ZNF207: variants seen among roughly 807,000 people sequenced by gnomAD.
ZNF207 encodes zinc finger protein 207, also known as BUB3-interacting and GLEBS motif-containing protein ZNF207.
Under a neutral mutation model 60.2 loss-of-function variants are expected in ZNF207, and 24 were observed. The ratio of observed to expected loss-of-function variants is 0.40; its 90% CI spans 0.29 to 0.56. ZNF207 has a LOEUF of 0.56. Ranked by LOEUF, ZNF207 falls within the 20% of genes least tolerant of loss-of-function variation. The pLI, the probability that ZNF207 is intolerant of heterozygous loss-of-function variation, is 0.49. For synonymous variants in ZNF207, 236 were observed against 194.7 expected, an observed-to-expected ratio of 1.21 and a Z score of -1.77; for missense variants, 452 against 636.6, an observed-to-expected ratio of 0.71 and a Z score of 3.12.
chr17:32,352,241 A>T (rs924013215), intron 2 of ZNF207, among the ~76,000 whole-genome samples: 2 of 152,050 alleles, frequency 1.3e-5, no homozygotes, highest in Admixed American at 6.6e-5. Flanking sequence ...GAGTGCTGGG[A>T]TTACAGGCGT....
chr17:32,357,388 G>T (rs1597767388), intron 2 of ZNF207, among the ~76,000 whole-genome samples: 4 of 124,120 alleles, frequency 3.2e-5, no homozygotes, highest in African/African-American at 6.3e-5. Flanking sequence ...TCGCTCTCTT[G>T]CCCAGGCTAG....
At chr17:32,354,116 C>T (rs1225943268) in intron 2 of ZNF207, among the ~76,000 whole-genome samples, 1 of 152,094 alleles carries the variant, frequency 6.6e-6, no homozygotes, top group Non-Finnish European at 1.5e-5. Context: ...CCTGGGACAA[C>T]AATTGTGTAC....
At chr17:32,356,812 G>T (rs984931909) in intron 2 of ZNF207, among the ~76,000 whole-genome samples, 1 of 152,156 alleles carries the variant, frequency 6.6e-6, no homozygotes, top group African/African-American at 2.4e-5. Context: ...CAGATCTGAA[G>T]ATTAGAAGCG....
At position 32,373,632 on chromosome 17, in the gene ZNF207, T is replaced by G. The variant is rs549918204; in HGVS notation, c.*3873T>G. On this transcript the variant is annotated 3_prime_UTR_variant, in exon 12 of 12. Coordinates refer to ENST00000394670, the MANE Select transcript of ZNF207 (RefSeq NM_001098507.2). ...TTAATATTCACGTTTGACTGTGGTG[T>G]TAATAAACATAAGTATTTCATATGC... is the stretch of plus-strand genomic sequence containing the variant. 2.6e-5 allele frequency: 10 copies of G among 391,364 alleles called. No individual in the cohort carries two copies. The South Asian group carries it at 8.2e-4, about 32-fold the overall frequency. 24.2% of individuals were successfully genotyped at this position (391,364 alleles called of 1,614,324 possible).
rs1392504077 is a variant in ZNF207, at chr17:32,373,838, CTA to C, written c.*4081_*4082del. 1 of 158,006 alleles carries C rather than the reference CTA, an allele frequency of 6.3e-6. No individual in the cohort carries two copies. The highest frequency in any genetic ancestry group is 1.4e-5 in the Non-Finnish European group (1 of 72,104). 9.8% of individuals were successfully genotyped at this position (158,006 alleles called of 1,614,324 possible). A position where few individuals can be genotyped will look rare whatever the true frequency, so the allele number is the denominator to read the frequency against. On this transcript the variant is annotated 3_prime_UTR_variant, in exon 12 of 12. Transcript: ENST00000394670. ...TTACTGGTTTTATTTTCTCCATAAA[CTA>C]TTAAATTTAACCTCAAGGATAAGTT...
At chr17:32,358,378 A>G in intron 2 of ZNF207, 125 bp from the exon 3 acceptor site, 1 of 863,752 alleles carries the variant, frequency 1.2e-6, no homozygotes, top group Non-Finnish European at 1.7e-6. Context: ...AGTGAATGGC[A>G]AAACTGGGAA....
chr17:32,371,067 T>C lies in ZNF207; in HGVS notation c.*1308T>C, dbSNP rs928893328. On this transcript the variant is annotated 3_prime_UTR_variant, in exon 12 of 12. Coordinates refer to ENST00000394670, the MANE Select transcript of ZNF207 (RefSeq NM_001098507.2). Reference sequence around the variant, plus strand: ...AGCTTTTCTGTAGAGATGACTGCTATTCAATATTTTGTGTTGCAACCTCTT... The same window carrying C: ...AGCTTTTCTGTAGAGATGACTGCTACTCAATATTTTGTGTTGCAACCTCTT... 6.6e-6 allele frequency: 1 copy of C among 152,240 alleles called. No individual in the cohort carries two copies. The highest frequency in any genetic ancestry group is 2.4e-5 in the African/African-American group (1 of 41,454). 9.4% of individuals were successfully genotyped at this position (152,240 alleles called of 1,614,324 possible). A position where few individuals can be genotyped will look rare whatever the true frequency, so the allele number is the denominator to read the frequency against.
chr17:32,365,900 G>A (rs1905141190), intron 8 of ZNF207, among the ~76,000 whole-genome samples: 1 of 152,198 alleles, frequency 6.6e-6, no homozygotes, highest in Non-Finnish European at 1.5e-5. Context: ...GTACGGAACA[G>A]TGATGAGCTA....
chr17:32,352,159 G>A (rs2081116527), intron 2 of ZNF207, among the ~76,000 whole-genome samples: 1 of 151,960 alleles, frequency 6.6e-6, no homozygotes, highest in Non-Finnish European at 1.5e-5. Context: ...AGTAGAGACT[G>A]GGGTTTCACC....
intron 9 of ZNF207, among the ~76,000 whole-genome samples, chr17:32,367,375 A>G (rs1012373316): frequency 1.2e-4 from 17 of 146,830 alleles, no homozygotes; most frequent in Non-Finnish European, 2.4e-4. Context: ...CATATTCTGT[A>G]GTTTTTTTTT....
At position 32,364,361 on chromosome 17, in the gene ZNF207, C is replaced by CTT. The variant is rs397858000; in HGVS notation, c.671-956_671-955dup. Among the ~76,000 whole-genome samples the CTT allele has an allele frequency of 1.8e-3, 243 of 137,354 alleles. 2 individuals are homozygous for CTT. The highest frequency in any genetic ancestry group is 0.014 in the Middle Eastern group (4 of 278). 90.1% of individuals were successfully genotyped at this position (137,354 alleles called of 152,430 possible). On this transcript the variant is annotated intron_variant, in intron 7 of 11. Transcript: ENST00000394670. ...ACGAGGCTATTAGTTGTTTTTTTTT[C>CTT]TTTTTTTTTTTTTTGAGATGGAGTT...
chr17:32,369,788 G>A lies in ZNF207; in HGVS notation c.*29G>A. On this transcript the variant is annotated 3_prime_UTR_variant, in exon 12 of 12. Transcript: ENST00000394670. ...TACTTCATCCAGTCTAATAGGTTTG[G>A]AGATTAAACCTTTTCTCAACTTGTG... The A allele has an allele frequency of 6.9e-7, 1 of 1,446,940 alleles. No individual in the cohort carries two copies. The highest frequency in any genetic ancestry group is 9.1e-7 in the Non-Finnish European group (1 of 1,096,102). 89.6% of individuals were successfully genotyped at this position (1,446,940 alleles called of 1,614,324 possible).
Position 32,369,819 on chromosome 17 carries a change from T to A in ZNF207, c.*60T>A. 7.3e-7 allele frequency: 1 copy of A among 1,367,852 alleles called. No individual in the cohort carries two copies. The highest frequency in any genetic ancestry group is 9.5e-7 in the Non-Finnish European group (1 of 1,051,842). 84.7% of individuals were successfully genotyped at this position (1,367,852 alleles called of 1,614,324 possible). ...AAACCTTTTCTCAACTTGTGCTGTT[T>A]ATATAGCCAAGCTTCCGTCAATAAG... is the stretch of plus-strand genomic sequence containing the variant. On this transcript the variant is annotated 3_prime_UTR_variant, in exon 12 of 12. Coordinates refer to ENST00000394670, the MANE Select transcript of ZNF207 (RefSeq NM_001098507.2).
intron 2 of ZNF207, among the ~76,000 whole-genome samples, chr17:32,354,384 C>T (rs940299852): frequency 8.6e-5 from 13 of 152,046 alleles, no homozygotes; most frequent in African/African-American, 3.1e-4. Flanking sequence ...GTCTTGTGCT[C>T]ACTGCAGCCT....
intron 2 of ZNF207, among the ~76,000 whole-genome samples, chr17:32,354,466 G>A (rs1320398977): frequency 4.6e-5 from 7 of 151,986 alleles, no homozygotes; most frequent in African/African-American, 1.2e-4. Flanking sequence ...ATGCACCACC[G>A]TGCCTGCCTG....
At chr17:32,359,549 C>T (rs561179034) in intron 3 of ZNF207, among the ~76,000 whole-genome samples, 2 of 152,122 alleles carry the variant, frequency 1.3e-5, no homozygotes, top group East Asian at 1.9e-4. Context: ...TCTCTCTCCC[C>T]TTGTGATAAT....
rs1282766107 is a variant in ZNF207 at position 32,368,247 on chromosome 17, AAAG to A, written c.1164+238_1164+240del. The A allele has an allele frequency of 5.4e-6, 3 of 558,626 alleles. No homozygotes were observed. In the African/African-American group the frequency reaches 5.6e-5, roughly 10 times the overall value. 34.6% of individuals were successfully genotyped at this position (558,626 alleles called of 1,614,324 possible). A position where few individuals can be genotyped will look rare whatever the true frequency, so the allele number is the denominator to read the frequency against. On this transcript the variant is annotated intron_variant, in intron 10 of 11. Transcript: ENST00000394670. ...CTCCCCTTCCTCCAGACTGTTTCTAAAAGAAGACAGTAAGTCAGGTTCTTAACT... is the reference window on the plus strand; with the variant it reads ...CTCCCCTTCCTCCAGACTGTTTCTAAAAGACAGTAAGTCAGGTTCTTAACT...
intron 7 of ZNF207, among the ~76,000 whole-genome samples, chr17:32,364,361 CTTTTTTTTT>C (rs397858000): frequency 7.3e-6 from 1 of 137,384 alleles, no homozygotes; most frequent in African/African-American, 2.7e-5. Context: ...GTTTTTTTTT[CTTTTTTTTT>C]TTTTTGAGAT....
intron 8 of ZNF207, among the ~76,000 whole-genome samples, chr17:32,365,917 C>T (rs944445628): frequency 3.1e-4 from 47 of 152,184 alleles, no homozygotes; most frequent in Admixed American, 3.3e-4. Context: ...GCTACAATGC[C>T]GCACTTGTGC....
Sources: allele counts gnomAD v4.1 joint callset (sites outside exome capture counted in the v4.1 genomes callset), GRCh38; gene constraint gnomAD v4.1.1; transcripts MANE v1.5; gene names NCBI Gene and HGNC (gene_info 2026-07-23, HGNC 2026-07-21).